Variants in DMD observed in about 807,000 individuals in gnomAD.
The protein encoded by DMD is dystrophin.
A neutral mutation model predicts 330.1 loss-of-function variants in DMD; 63 were observed. The ratio of observed to expected loss-of-function variants is 0.19; its 90% CI spans 0.16 to 0.24. DMD has a LOEUF of 0.24. DMD is among the 10% of genes least tolerant of loss of function. DMD has a pLI of 1.00. For synonymous variants in DMD, 1,223 were observed against 959.8 expected, an observed-to-expected ratio of 1.27 and a Z score of -5.07; for missense variants, 3,344 against 2,684.1, an observed-to-expected ratio of 1.25 and a Z score of -5.43.
intron 43 of DMD, among the ~76,000 whole-genome samples, chrX:32,270,664 T>C (rs900464406): frequency 9.9e-5 from 11 of 111,411 alleles, no homozygotes; most frequent in African/African-American, 2.6e-4. Flanking sequence ...TTAAGAACCA[T>C]CATGTGTTTC....
intron 17 of DMD, among the ~76,000 whole-genome samples, chrX:32,528,332 G>A (rs886409836): frequency 1.8e-5 from 2 of 111,230 alleles, no homozygotes; most frequent in Admixed American, 1.9e-4. Flanking sequence ...AAATAACATA[G>A]CTATATATGT....
intron 60 of DMD, among the ~76,000 whole-genome samples, chrX:31,429,176 T>C (rs373162237): frequency 9.0e-6 from 1 of 110,556 alleles, no homozygotes; most frequent in African/African-American, 3.3e-5. Context: ...GAGTGTATGA[T>C]AGGAAAAACC....
chrX:32,358,181 T>A (rs1283982249), intron 37 of DMD, among the ~76,000 whole-genome samples: 1 of 111,261 alleles, frequency 9.0e-6, no homozygotes, highest in Non-Finnish European at 1.9e-5. Context: ...AACTAGCATC[T>A]CTCCCAAATT....
At chrX:32,861,374 A>C (rs1393948712) in intron 2 of DMD, among the ~76,000 whole-genome samples, 1 of 111,240 alleles carries the variant, frequency 9.0e-6, no homozygotes, top group East Asian at 2.8e-4. Context: ...CTAGCATAGA[A>C]AATGCTCAAT....
chrX:32,727,402 AC>A (rs2067010154), intron 7 of DMD, among the ~76,000 whole-genome samples: 1 of 110,933 alleles, frequency 9.0e-6, no homozygotes, highest in Non-Finnish European at 1.9e-5. Context: ...ACAGAGCAGA[AC>A]TCTAAATTCT....
chrX:31,852,699 G>A (rs1490312568), intron 48 of DMD, among the ~76,000 whole-genome samples: 1 of 111,387 alleles, frequency 9.0e-6, no homozygotes, highest in Non-Finnish European at 1.9e-5. Flanking sequence ...ATTCCACAAT[G>A]TAAACATATA....
At chrX:32,705,398 G>A (rs1260620172) in intron 7 of DMD, among the ~76,000 whole-genome samples, 1 of 111,870 alleles carries the variant, frequency 8.9e-6, no homozygotes, top group Non-Finnish European at 1.9e-5. Flanking sequence ...AAAAGTAATG[G>A]CCTATATTTA....
chrX:32,229,586 G>C (rs1603628722), intron 43 of DMD, among the ~76,000 whole-genome samples: 2 of 97,085 alleles, frequency 2.1e-5, no homozygotes, highest in East Asian at 6.5e-4. Context: ...TATTTTTCTT[G>C]ATTCTTTTTT....
chrX:32,487,133 C>G (rs755564998), intron 20 of DMD, among the ~76,000 whole-genome samples: 3 of 110,812 alleles, frequency 2.7e-5, no homozygotes, highest in African/African-American at 9.8e-5. Flanking sequence ...GAATCTACAA[C>G]GAACTCAAAA....
intron 12 of DMD, among the ~76,000 whole-genome samples, chrX:32,607,026 C>T (rs2056778890): frequency 9.2e-6 from 1 of 109,066 alleles, no homozygotes; most frequent in South Asian, 3.9e-4. Flanking sequence ...TGAAAAATTA[C>T]CTATTGAGTA....
intron 1 of DMD, among the ~76,000 whole-genome samples, chrX:33,071,061 T>A (rs922069618): frequency 9.0e-6 from 1 of 111,268 alleles, no homozygotes; most frequent in Admixed American, 9.6e-5. Context: ...TACTTGAAGT[T>A]AGAATACCTG....
chrX:32,229,709 T>TCTCAAAGAGTTTCATC (rs2097161566), intron 43 of DMD, among the ~76,000 whole-genome samples: 1 of 82,222 alleles, frequency 1.2e-5, no homozygotes, highest in Non-Finnish European at 2.4e-5. Context: ...TATATATATA[T>TCTCAAAGAGTTTCATC]ATATATATAT....
At chrX:31,169,006 A>T (rs1035592584) in intron 74 of DMD, among the ~76,000 whole-genome samples, 4 of 112,221 alleles carry the variant, frequency 3.6e-5, no homozygotes, top group Admixed American at 2.8e-4. Flanking sequence ...GATGAAAAAT[A>T]AGATGAAACA....
intron 62 of DMD, among the ~76,000 whole-genome samples, chrX:31,321,607 A>AAAAAAAAAAAAAAAG (rs1388525572): frequency 1.1e-5 from 1 of 89,284 alleles, no homozygotes; most frequent in Non-Finnish European, 2.0e-5. Flanking sequence ...AAAAAAAAAA[A>AAAAAAAAAAAAAAAG]AAAGAAAGAA....
At position 32,380,534 on chromosome X, in the gene DMD, C is replaced by T. The variant is rs2097920592; in HGVS notation, c.4821G>A (p.Leu1607=). ...CCTTTCCCCAGGCAACTTCAGAATC[C>T]AAATTACTAGGCATTCCTTCAACTG... The part of the protein sequence containing the change: ...RSAVEGMPSN[L]DSEVAWGKAT... Residue 1607 remains leucine, a synonymous_variant, in exon 34 of 79, where the codon TTG becomes TTA. Transcript: ENST00000357033. 1.7e-6 allele frequency: 2 copies of T among 1,208,697 alleles called. No homozygotes were observed. Among genetic ancestry groups the T allele is most frequent in the African/African-American group, 1.8e-5 (1 of 57,060 alleles).
At chrX:33,007,012 G>C (rs1602584195) in intron 2 of DMD, among the ~76,000 whole-genome samples, 1 of 110,360 alleles carries the variant, frequency 9.1e-6, no homozygotes, top group East Asian at 2.9e-4. Context: ...TTTCTCCCCA[G>C]ATCCATGGAC....
intron 43 of DMD, among the ~76,000 whole-genome samples, chrX:32,229,071 A>G (rs773243648): frequency 0.012 from 171 of 14,661 alleles, no homozygotes; most frequent in African/African-American, 0.056. Context: ...AGGATAGCTT[A>G]TAGTGTATGT....
chrX:31,888,691 C>T (rs1398756799), intron 47 of DMD, among the ~76,000 whole-genome samples: 1 of 111,466 alleles, frequency 9.0e-6, no homozygotes, highest in African/African-American at 3.3e-5. Context: ...TAAAATATCC[C>T]TCACTAGGAG....
chrX:32,394,752 T>A (rs2098028079), intron 30 of DMD, among the ~76,000 whole-genome samples: 1 of 107,575 alleles, frequency 9.3e-6, no homozygotes, highest in African/African-American at 3.4e-5. Flanking sequence ...TCAGAGAGGG[T>A]AGAGGGCCCA....
Sources: gnomAD v4.1 joint callset for allele counts (sites outside exome capture counted in the v4.1 genomes callset) on GRCh38, gnomAD v4.1.1 for gene constraint, MANE v1.5 for transcripts, NCBI Gene and HGNC (gene_info 2026-07-23, HGNC 2026-07-21) for gene names.